SEM1: variants seen among roughly 807,000 people sequenced by gnomAD.
SEM1 encodes 26S proteasome complex subunit SEM1.
SEM1 carries 3 observed loss-of-function variants against 12.7 expected under a neutral mutation model. The observed-to-expected ratio is 0.24, with a 90% CI of 0.11 to 0.61. SEM1 has a LOEUF of 0.61. Ranked by LOEUF, SEM1 falls within the 20% of genes least tolerant of loss-of-function variation. The pLI, the probability that SEM1 is intolerant of heterozygous loss-of-function variation, is 0.88. For missense variants in SEM1, 59 were observed against 81.3 expected (o/e 0.73, Z 1.06); for synonymous variants, 30 against 27.8 (o/e 1.08, Z -0.25).
intron 2 of SEM1, among the ~76,000 whole-genome samples, chr7:96,510,330 G>A (rs1485706140): frequency 6.6e-6 from 1 of 152,056 alleles, no homozygotes; most frequent in Non-Finnish European, 1.5e-5. Flanking sequence ...AAACCTAGAT[G>A]GAATAACCTA....
At chr7:96,579,211 A>G (rs1406064787) in intron 2 of SEM1, among the ~76,000 whole-genome samples, 1 of 152,218 alleles carries the variant, frequency 6.6e-6, no homozygotes. Context: ...AATCATTTCT[A>G]ATCCAATGGT....
Position 96,521,910 on chromosome 7 carries a change from G to A in SEM1, c.171-15212C>T, listed in dbSNP as rs114429674. 5.1e-3 allele frequency among the ~76,000 whole-genome samples: 772 copies of A among 152,118 alleles called. 5 individuals are homozygous for A. Among genetic ancestry groups the A allele is most frequent in the African/African-American group, 0.017 (724 of 41,516 alleles). ...AGAGTCACAACAAATGTGTCCAGAT[G>A]GCCCTTACACTATAGAGTTACCCCA... is the stretch of plus-strand genomic sequence containing the variant. On this transcript the variant is annotated intron_variant and NMD_transcript_variant, in intron 2 of 3. Coordinates refer to the SEM1 transcript ENST00000466986.
At chr7:96,494,036 G>A (rs937770766) in intron 1 of SEM1, among the ~76,000 whole-genome samples, 2 of 152,200 alleles carry the variant, frequency 1.3e-5, no homozygotes, top group African/African-American at 4.8e-5. Context: ...ATAAGACAGA[G>A]TAACAGGAAG....
intron 2 of SEM1, chr7:96,645,972 A>T (rs1357332147): frequency 5.0e-6 from 2 of 397,830 alleles, no homozygotes; most frequent in Non-Finnish European, 8.9e-6. Flanking sequence ...ATGAATATTT[A>T]GTCATGTATA....
At chr7:96,490,645 G>A (rs371280030) in intron 1 of SEM1, among the ~76,000 whole-genome samples, 2 of 152,226 alleles carry the variant, frequency 1.3e-5, no homozygotes, top group South Asian at 2.1e-4. Context: ...AGTTGCAGAG[G>A]TGATTATTCA....
intron 3 of SEM1, among the ~76,000 whole-genome samples, chr7:96,501,787 A>G (rs1050482894): frequency 6.6e-6 from 1 of 152,080 alleles, no homozygotes; most frequent in Non-Finnish European, 1.5e-5. Flanking sequence ...GGTTTGCATA[A>G]TGCCGATGTT....
At chr7:96,514,197 G>GA (rs1223584844) in intron 2 of SEM1, among the ~76,000 whole-genome samples, 1 of 151,998 alleles carries the variant, frequency 6.6e-6, no homozygotes, top group Non-Finnish European at 1.5e-5. Context: ...TTAACGTCTT[G>GA]AAAAAAATTG....
chr7:96,495,282 ATACCAAATT>A (rs2117239230), intron 1 of SEM1, among the ~76,000 whole-genome samples: 1 of 152,284 alleles, frequency 6.6e-6, no homozygotes, highest in African/African-American at 2.4e-5. Context: ...TCACAAATAA[ATACCAAATT>A]TGGAGCTAAC....
chr7:96,544,759 C>T (rs1805056918), intron 2 of SEM1, among the ~76,000 whole-genome samples: 1 of 151,842 alleles, frequency 6.6e-6, no homozygotes, highest in Non-Finnish European at 1.5e-5. Flanking sequence ...CTACAATAAA[C>T]TAAGCTAGAG....
At chr7:96,574,403 C>T (rs1185094943) in intron 2 of SEM1, among the ~76,000 whole-genome samples, 1 of 151,776 alleles carries the variant, frequency 6.6e-6, no homozygotes, top group Non-Finnish European at 1.5e-5. Context: ...CATACGTGTG[C>T]ATGTATCTTT....
At chr7:96,650,458 G>T (rs1417498041) in intron 2 of SEM1, 1 of 747,694 alleles carries the variant, frequency 1.3e-6, no homozygotes, top group Non-Finnish European at 2.4e-6. Flanking sequence ...TGACTTGATG[G>T]TACCAAGCCA....
At chr7:96,510,548 A>G (rs1364280738) in intron 2 of SEM1, among the ~76,000 whole-genome samples, 1 of 152,162 alleles carries the variant, frequency 6.6e-6, no homozygotes, top group Non-Finnish European at 1.5e-5. Context: ...TCACTGACCA[A>G]AGCATGGTTA....
rs145063900 is a variant in SEM1 at position 96,637,847 on chromosome 7, C to G, written c.171-15204G>C. Among the ~76,000 whole-genome samples, 195 of 152,014 alleles carry G rather than the reference C, an allele frequency of 1.3e-3. 1 individual carries two copies. The highest frequency in any genetic ancestry group is 5.0e-3 in the South Asian group (24 of 4,812). On this transcript the variant is annotated intron_variant, in intron 2 of 2. Coordinates refer to the SEM1 transcript ENST00000417009. ...TTCTTATTCTGATTCCTGATATGCA[C>G]CTTAGGCTGTCTCTGTTTGTTGGAC...
At chr7:96,560,696 C>T (rs1805665809) in intron 2 of SEM1, among the ~76,000 whole-genome samples, 1 of 150,806 alleles carries the variant, frequency 6.6e-6, no homozygotes, top group Non-Finnish European at 1.5e-5. Context: ...TATTTTCTGT[C>T]TCAAGTTTTT....
rs1297878581 is a variant in SEM1, at chr7:96,615,287, T to TC, written c.170+79510dup. On this transcript the variant is annotated intron_variant and NMD_transcript_variant, in intron 2 of 3. Transcript: ENST00000466986. ...TTTTGGAGACAGAGTCTCGCTCTATTCCCCAGGCTGGCTGGAGTGCAGTAG... is the reference window on the plus strand; with the variant it reads ...TTTTGGAGACAGAGTCTCGCTCTATTCCCCCAGGCTGGCTGGAGTGCAGTAG... Among the ~76,000 whole-genome samples, 8 of 141,074 alleles carry TC rather than the reference T, an allele frequency of 5.7e-5. No homozygotes were observed. The East Asian group carries it at 1.7e-3, about 29-fold the overall frequency. 92.6% of individuals were successfully genotyped at this position (141,074 alleles called of 152,430 possible). A position where few individuals can be genotyped will look rare whatever the true frequency, so the allele number is the denominator to read the frequency against.
At chr7:96,485,157 T>C (rs1285804988) in intron 2 of SEM1, among the ~76,000 whole-genome samples, 2 of 152,222 alleles carry the variant, frequency 1.3e-5, no homozygotes, top group African/African-American at 4.8e-5. Flanking sequence ...ACAAGGTCAT[T>C]GCTTATTAAG....
chr7:96,672,590 A>G (rs747575813), downstream of SEM1: 2 of 152,220 alleles, frequency 1.3e-5, no homozygotes, highest in Admixed American at 6.5e-5. Flanking sequence ...AAGAACAACA[A>G]TAACACCACT....
At chr7:96,619,264 T>G (rs1191900059), downstream of SEM1, among the ~76,000 whole-genome samples, 3 of 152,204 alleles carry the variant, frequency 2.0e-5, no homozygotes, top group Admixed American at 1.3e-4. Flanking sequence ...AAAAAATTTT[T>G]TCCTGAGTAT....
At chr7:96,495,763 A>G (rs926018799) in intron 1 of SEM1, among the ~76,000 whole-genome samples, 3 of 152,184 alleles carry the variant, frequency 2.0e-5, no homozygotes, top group Non-Finnish European at 4.4e-5. Context: ...AGAAAACACA[A>G]AACATACCCC....
Sources: allele counts gnomAD v4.1 joint callset (sites outside exome capture counted in the v4.1 genomes callset), GRCh38; gene constraint gnomAD v4.1.1; transcripts MANE v1.5; gene names NCBI Gene and HGNC (gene_info 2026-07-23, HGNC 2026-07-21).